The following ZFHX3 variants were observed in gnomAD, a reference collection of about 807,000 sequenced individuals.
ZFHX3 encodes the protein zinc finger homeobox protein 3.
In ZFHX3, 42 loss-of-function variants were observed where a neutral mutation model predicts 279.1. The ratio of observed to expected loss-of-function variants is 0.15; its 90% CI spans 0.12 to 0.19. The LOEUF is 0.19. Ranked by LOEUF, ZFHX3 falls within the 10% of genes least tolerant of loss-of-function variation. The pLI, the probability that ZFHX3 is intolerant of heterozygous loss-of-function variation, is 1.00. For missense variants in ZFHX3, 4,981 were observed against 4,754.0 expected (o/e 1.05, Z -1.40); for synonymous variants, 2,293 against 1,957.8 (o/e 1.17, Z -4.52).
chr16:73,439,862 G>C (rs1355755488), intron 3 of ZFHX3, among the ~76,000 whole-genome samples: 1 of 124,848 alleles, frequency 8.0e-6, no homozygotes. Flanking sequence ...CTTGTATAAA[G>C]AGGCCCCTGG....
intron 1 of ZFHX3, among the ~76,000 whole-genome samples, chr16:73,723,496 G>C (rs530860758): frequency 3.9e-5 from 6 of 152,158 alleles, no homozygotes; most frequent in African/African-American, 1.4e-4. Context: ...ATGTATTGTT[G>C]ACATGAAAAC....
intron 3 of ZFHX3, among the ~76,000 whole-genome samples, chr16:73,349,146 CCTGCTACCTCTAGACTTTTGTT>C (rs68112986): frequency 0.15 from 22,404 of 152,160 alleles, 2,200 homozygotes; most frequent in Middle Eastern, 0.26. Flanking sequence ...CTTGTGTCTT[CCTGCTACCTCTAGACTTTTGTT>C]CTGCCACAGC....
At chr16:72,934,633 T>A (rs1048975783) in intron 3 of ZFHX3, among the ~76,000 whole-genome samples, 1 of 152,198 alleles carries the variant, frequency 6.6e-6, no homozygotes, top group Non-Finnish European at 1.5e-5. Context: ...TCTTTTTGGA[T>A]CTAACCAGTT....
chr16:73,200,766 GA>G (rs1968252427), intron 5 of ZFHX3, among the ~76,000 whole-genome samples: 1 of 152,086 alleles, frequency 6.6e-6, no homozygotes, highest in African/African-American at 2.4e-5. Context: ...TGAAATCAGG[GA>G]AAATAATCCT....
In ZFHX3 at chr16:72,794,468, G is replaced by A. The variant is rs2035828505; in HGVS notation, c.8214C>T (p.Ala2738=). The A allele has an allele frequency of 6.2e-7, 1 of 1,614,174 alleles. No individual in the cohort carries two copies. Among genetic ancestry groups the A allele is most frequent in the Non-Finnish European group, 8.5e-7 (1 of 1,180,028 alleles). ...GAGTTAGGTTGTAGCCAGCTCTCTT[G>A]GCTTCATGCCAGTGACGGGACCGGA... The part of the protein sequence containing the change: ...AHIRSRHWHE[A]KRAGYNLTLS... Residue 2738 remains alanine (A), a synonymous_variant, in exon 9 of 10, where the codon GCC becomes GCT. Transcript: ENST00000268489. This position sits in a 1 kb window ranked among gnomAD's most constrained non-coding sequence, Gnocchi z 4.2.
chr16:72,949,108 C>T (rs1233050717), intron 3 of ZFHX3, among the ~76,000 whole-genome samples: 1 of 152,196 alleles, frequency 6.6e-6, no homozygotes, highest in Non-Finnish European at 1.5e-5. Flanking sequence ...GTTATGCAGG[C>T]CTCCCCACAT....
chr16:73,171,290 C>T (rs1017633148), intron 5 of ZFHX3, among the ~76,000 whole-genome samples: 3 of 152,030 alleles, frequency 2.0e-5, no homozygotes, highest in Non-Finnish European at 4.4e-5. Flanking sequence ...ATAATAGATA[C>T]AAACTGGGCT....
chr16:72,990,809 T>C (rs1358387600), intron 1 of ZFHX3, among the ~76,000 whole-genome samples: 1 of 152,054 alleles, frequency 6.6e-6, no homozygotes, highest in Non-Finnish European at 1.5e-5. Context: ...GGCGAAACCC[T>C]GCCACTACTA....
At chr16:73,874,375 G>C (rs531140633) in intron 1 of ZFHX3, among the ~76,000 whole-genome samples, 1 of 152,096 alleles carries the variant, frequency 6.6e-6, no homozygotes, top group South Asian at 2.1e-4. Context: ...TTTAACCCCC[G>C]ACTGAGTTCT....
intron 1 of ZFHX3, among the ~76,000 whole-genome samples, chr16:73,818,416 C>T (rs930635165): frequency 4.6e-5 from 7 of 152,112 alleles, no homozygotes; most frequent in East Asian, 1.9e-4. Context: ...ATGGATTTCA[C>T]GCTAAGCAAT....
At chr16:73,855,307 G>T (rs1348262778) in intron 1 of ZFHX3, among the ~76,000 whole-genome samples, 2 of 138,030 alleles carry the variant, frequency 1.4e-5, no homozygotes, top group African/African-American at 5.4e-5. Context: ...CTGACAAAAT[G>T]TAATTTACTT....
intron 5 of ZFHX3, among the ~76,000 whole-genome samples, chr16:73,167,740 A>G (rs948363196): frequency 6.6e-5 from 10 of 152,342 alleles, no homozygotes; most frequent in African/African-American, 2.4e-4. Flanking sequence ...AGCAACTTCA[A>G]ACTAACATCC....
intron 1 of ZFHX3, among the ~76,000 whole-genome samples, chr16:73,757,370 A>G (rs552108971): frequency 1.3e-4 from 20 of 152,352 alleles, no homozygotes; most frequent in Admixed American, 2.0e-4. Context: ...GGCCTCCATA[A>G]GAAGGCCAAG....
intron 1 of ZFHX3, among the ~76,000 whole-genome samples, chr16:72,974,902 C>G (rs1281798997): frequency 6.6e-6 from 1 of 152,218 alleles, no homozygotes; most frequent in Non-Finnish European, 1.5e-5. Context: ...GACCCCATCA[C>G]TGAATTCCCT....
At chr16:73,496,130 A>G (rs564032017) in intron 2 of ZFHX3, among the ~76,000 whole-genome samples, 2 of 152,236 alleles carry the variant, frequency 1.3e-5, no homozygotes, top group South Asian at 2.1e-4. Flanking sequence ...GCATCCATAA[A>G]CTCCCAAGGA....
At chr16:73,515,366 A>G (rs747721854) in intron 2 of ZFHX3, among the ~76,000 whole-genome samples, 1 of 152,244 alleles carries the variant, frequency 6.6e-6, no homozygotes, top group Admixed American at 6.5e-5. Context: ...CCTTAGTCAC[A>G]AAGATGGTGC....
chr16:73,782,421 C>G (rs887073154), intron 1 of ZFHX3, among the ~76,000 whole-genome samples: 1 of 152,142 alleles, frequency 6.6e-6, no homozygotes, highest in Admixed American at 6.5e-5. Context: ...GCCCATTATC[C>G]CTGGAAGCCT....
At chr16:73,269,509 T>C (rs944773343) in intron 4 of ZFHX3, among the ~76,000 whole-genome samples, 3 of 152,242 alleles carry the variant, frequency 2.0e-5, no homozygotes, top group Non-Finnish European at 4.4e-5. Flanking sequence ...TTTGTTGTTT[T>C]ATTGTTAAGT....
At chr16:72,929,663 A>G (rs1402206747) in intron 3 of ZFHX3, among the ~76,000 whole-genome samples, 1 of 152,196 alleles carries the variant, frequency 6.6e-6, no homozygotes, top group East Asian at 1.9e-4. Flanking sequence ...GCGGGCTGCG[A>G]CAGGGCCCTC....
Sources: gnomAD v4.1 joint callset for allele counts (sites outside exome capture counted in the v4.1 genomes callset) on GRCh38, gnomAD v4.1.1 for gene constraint, Gnocchi (gnomAD v3.1) non-coding constraint, MANE v1.5 for transcripts, NCBI Gene and HGNC (gene_info 2026-07-23, HGNC 2026-07-21) for gene names.